The following CDK7 variants were observed in gnomAD, a reference collection of about 807,000 sequenced individuals.
The protein encoded by CDK7 is cyclin dependent kinase 7, also known as cyclin-dependent kinase 7.
In CDK7, 25 loss-of-function variants were observed where a neutral mutation model predicts 49.1. That is an observed-to-expected ratio of 0.51 (90% CI 0.37 to 0.71). The LOEUF (loss-of-function observed/expected upper bound fraction) is 0.71, where lower values mean the gene tolerates loss of function less well. Among genes scored for constraint, CDK7 ranks in the 30% least tolerant of loss-of-function variants. CDK7 has a pLI of 0.00. For missense variants in CDK7, 316 were observed against 411.7 expected (o/e 0.77, Z 2.01); for synonymous variants, 107 against 140.0 (o/e 0.76, Z 1.67).
chr5:69,266,150 A>G (rs1323821437), intron 8 of CDK7, among the ~76,000 whole-genome samples: 1 of 152,138 alleles, frequency 6.6e-6, no homozygotes. Context: ...TGGGGCCTTT[A>G]GAGGGCGCAC....
intron 2 of CDK7, among the ~76,000 whole-genome samples, chr5:69,251,548 TTTTG>T (rs1750146569): frequency 6.6e-6 from 1 of 151,900 alleles, no homozygotes; most frequent in Non-Finnish European, 1.5e-5. Flanking sequence ...GTTTTTGTTT[TTTTG>T]TTTGTTTGAG....
At chr5:69,260,635 A>C (rs1750754970) in intron 7 of CDK7, among the ~76,000 whole-genome samples, 1 of 151,868 alleles carries the variant, frequency 6.6e-6, no homozygotes, top group African/African-American at 2.4e-5. Flanking sequence ...CTCTAAACAG[A>C]GCAATGTCTT....
intron 8 of CDK7, among the ~76,000 whole-genome samples, chr5:69,267,346 T>C (rs1056934925): frequency 1.4e-5 from 2 of 138,942 alleles, no homozygotes; most frequent in Non-Finnish European, 3.0e-5. Flanking sequence ...TCGCCCAGGC[T>C]GGAGTGCGGT....
chr5:69,264,282 G>A (rs1056275237), intron 8 of CDK7, among the ~76,000 whole-genome samples: 1 of 152,090 alleles, frequency 6.6e-6, no homozygotes, highest in Non-Finnish European at 1.5e-5. Flanking sequence ...AATAAAATAA[G>A]AGACACTTGA....
intron 2 of CDK7, among the ~76,000 whole-genome samples, chr5:69,239,890 T>C (rs1580263941): frequency 6.6e-6 from 1 of 151,842 alleles, no homozygotes; most frequent in Non-Finnish European, 1.5e-5. Context: ...TTTTTTTTTT[T>C]CAATAGAGAC....
chr5:69,269,159 A>G (rs200836988), intron 8 of CDK7, 48 bp from the exon 9 acceptor site: 2 of 408,098 alleles, frequency 4.9e-6, no homozygotes, highest in Admixed American at 6.7e-5. Flanking sequence ...GAAAAAAATT[A>G]AAAAAAAAAA....
At chr5:69,275,800 C>G (rs1023213352) in intron 10 of CDK7, among the ~76,000 whole-genome samples, 12 of 152,072 alleles carry the variant, frequency 7.9e-5, no homozygotes, top group Non-Finnish European at 1.6e-4. Context: ...ATAGCAAGAC[C>G]CCATTCTCCA....
chr5:69,238,948 A>T (rs972976519), intron 2 of CDK7, among the ~76,000 whole-genome samples: 6 of 152,148 alleles, frequency 3.9e-5, no homozygotes, highest in Admixed American at 1.3e-4. Context: ...ATGCTCGTTG[A>T]TTATTAGATT....
chr5:69,259,806 T>A lies in CDK7; in HGVS notation c.409-12T>A, dbSNP rs760149210. ...CCTGCTTATTTGTTTGTTTAAAACT[T>A]CCGTCATATAGGATCTGAAACCAAA... On this transcript the variant is annotated splice_polypyrimidine_tract_variant and intron_variant, in intron 6 of 11. Coordinates refer to ENST00000256443, the MANE Select transcript of CDK7 (RefSeq NM_001799.4). The A allele has an allele frequency of 6.3e-7, 1 of 1,576,016 alleles. No homozygotes were observed. The highest frequency in any genetic ancestry group is 8.7e-7 in the Non-Finnish European group (1 of 1,145,420).
chr5:69,259,067 C>A (rs1750662605), intron 6 of CDK7, among the ~76,000 whole-genome samples: 1 of 150,404 alleles, frequency 6.6e-6, no homozygotes, highest in Admixed American at 6.6e-5. Flanking sequence ...CAGAGTGAAA[C>A]CCTGTCTCAA....
At chr5:69,269,969 C>T (rs1036152605) in intron 9 of CDK7, among the ~76,000 whole-genome samples, 7 of 149,720 alleles carry the variant, frequency 4.7e-5, no homozygotes, top group East Asian at 2.0e-4. Context: ...CGATGGCTCA[C>T]GCCTGTAATC....
Position 69,255,409 on chromosome 5 carries a change from T to C in CDK7, c.229-51T>C, listed in dbSNP as rs775227656. ...TTAAAAATTGCCTCAGTTGCTATGA[T>C]ACTGTCAGGTATTAAATAGTGAATC... On this transcript the variant is annotated intron_variant, in intron 4 of 11. Coordinates refer to ENST00000256443, the MANE Select transcript of CDK7 (RefSeq NM_001799.4). 26 of 1,046,048 alleles carry C rather than the reference T, an allele frequency of 2.5e-5. No individual in the cohort carries two copies. In the East Asian group the frequency reaches 6.3e-4, roughly 25 times the overall value. 64.8% of individuals were successfully genotyped at this position (1,046,048 alleles called of 1,614,324 possible). A position where few individuals can be genotyped will look rare whatever the true frequency, so the allele number is the denominator to read the frequency against.
intron 7 of CDK7, among the ~76,000 whole-genome samples, chr5:69,260,338 A>G (rs1750737683): frequency 6.6e-6 from 1 of 152,186 alleles, no homozygotes; most frequent in African/African-American, 2.4e-5. Flanking sequence ...CGACAGAGAA[A>G]GACTCCCTCT....
At chr5:69,275,601 A>G (rs1314682938) in intron 10 of CDK7, among the ~76,000 whole-genome samples, 1 of 152,230 alleles carries the variant, frequency 6.6e-6, no homozygotes, top group Non-Finnish European at 1.5e-5. Flanking sequence ...ACAAGTGGAA[A>G]ATTCTACACA....
At chr5:69,254,568 A>G (rs1750366279) in intron 3 of CDK7, 34 bp from the exon 4 acceptor site, 1 of 989,658 alleles carries the variant, frequency 1.0e-6, no homozygotes, top group Non-Finnish European at 1.6e-6. Flanking sequence ...GAGATTTCAG[A>G]ATTATTCACT....
At chr5:69,261,893 G>A (rs1750852092) in intron 7 of CDK7, among the ~76,000 whole-genome samples, 1 of 152,202 alleles carries the variant, frequency 6.6e-6, no homozygotes, top group Admixed American at 6.5e-5. Context: ...ACAATTCTTT[G>A]AACTGGGCAG....
intron 7 of CDK7, among the ~76,000 whole-genome samples, chr5:69,261,520 G>A (rs112571092): frequency 1.4e-5 from 2 of 144,096 alleles, no homozygotes; most frequent in African/African-American, 2.5e-5. Flanking sequence ...GTGTGTGTGT[G>A]TGTGTATGTG....
chr5:69,242,615 G>T (rs139478174), intron 2 of CDK7, among the ~76,000 whole-genome samples: 2 of 152,278 alleles, frequency 1.3e-5, no homozygotes, highest in Non-Finnish European at 2.9e-5. Flanking sequence ...GATGCTTTTA[G>T]TCTCTGAGCA....
Position 69,261,491 on chromosome 5 carries a change from T to TGTGTGTGTGG in CDK7, c.528-705_528-704insGGTGTGTGTG, listed in dbSNP as rs1491267519. On this transcript the variant is annotated intron_variant, in intron 7 of 11. Coordinates refer to ENST00000256443, the MANE Select transcript of CDK7 (RefSeq NM_001799.4). The stretch of plus-strand genomic sequence containing the variant: ...TGAAAGCCTGATTGAAAAGGTTCTC[T>TGTGTGTGTGG]GTGTGTGTGTGTGTGTGTGTGTGTG... 6.5e-5 allele frequency among the ~76,000 whole-genome samples: 3 copies of TGTGTGTGTGG among 46,150 alleles called. No individual in the cohort carries two copies. The East Asian group carries it at 4.2e-3, about 64-fold the overall frequency. The allele number at this position is 46,150 out of a possible 152,430, so 30.3% of individuals were successfully genotyped here.
Sources: gnomAD v4.1 joint callset for allele counts (sites outside exome capture counted in the v4.1 genomes callset) on GRCh38, gnomAD v4.1.1 for gene constraint, MANE v1.5 for transcripts, NCBI Gene and HGNC (gene_info 2026-07-23, HGNC 2026-07-21) for gene names.